The following WNT16 variants were observed in gnomAD, a reference collection of about 807,000 sequenced individuals.
The protein encoded by WNT16 is Wnt family member 16.
Under a neutral mutation model 35.4 loss-of-function variants are expected in WNT16, and 20 were observed. The ratio of observed to expected loss-of-function variants is 0.56; its 90% CI spans 0.40 to 0.82. The LOEUF (loss-of-function observed/expected upper bound fraction) is 0.82. Ranked by LOEUF, WNT16 falls within the 40% of genes least tolerant of loss-of-function variation. WNT16 has a pLI of 0.00. For synonymous variants in WNT16, 180 were observed against 179.2 expected (o/e 1.00, Z -0.03); for missense variants, 461 against 466.0 (o/e 0.99, Z 0.10).
intron 3 of WNT16, among the ~76,000 whole-genome samples, chr7:121,334,807 T>A (rs1215775903): frequency 2.0e-5 from 3 of 152,110 alleles, no homozygotes; most frequent in Non-Finnish European, 2.9e-5. Flanking sequence ...CTGGGAATAA[T>A]GTGACTTGGA....
At chr7:121,332,217 C>T (rs1006314370) in intron 3 of WNT16, among the ~76,000 whole-genome samples, 1 of 145,898 alleles carries the variant, frequency 6.9e-6, no homozygotes, top group Non-Finnish European at 1.5e-5. Flanking sequence ...GAATAGGAGG[C>T]TTTGATTAGA....
At position 121,329,627 on chromosome 7, in the gene WNT16, G is replaced by T; in HGVS notation, c.156G>T (p.Leu52=). ...AGCTGGGCTGCGCCAATTTGCCGCTGAACAGCCGCCAGAAGGAGCTGTGCA... is the reference window on the plus strand; with the variant it reads ...AGCTGGGCTGCGCCAATTTGCCGCTTAACAGCCGCCAGAAGGAGCTGTGCA... ...PEKLGCANLP[L]NSRQKELCKR... The change falls in exon 2 of 4, where the codon CTG becomes CTT. Residue 52 remains leucine, a synonymous_variant. Transcript: ENST00000222462. 1 of 1,614,226 alleles carries T rather than the reference G, an allele frequency of 6.2e-7. No individual in the cohort carries two copies. Among genetic ancestry groups the T allele is most frequent in the South Asian group, 1.1e-5 (1 of 91,072 alleles).
At chr7:121,335,920 A>C (rs1793438413) in intron 3 of WNT16, among the ~76,000 whole-genome samples, 1 of 151,806 alleles carries the variant, frequency 6.6e-6, no homozygotes, top group Admixed American at 6.6e-5. Context: ...TCTAAAACTA[A>C]ATCAGGTAAA....
upstream of WNT16, among the ~76,000 whole-genome samples, chr7:121,328,643 T>C (rs1003328846): frequency 6.6e-6 from 1 of 152,186 alleles, no homozygotes; most frequent in African/African-American, 2.4e-5. Flanking sequence ...TTCCAGCCAC[T>C]ACACCCAGAG....
chr7:121,339,436 G>C lies in WNT16; in HGVS notation c.*91G>C. 8.2e-7 allele frequency: 1 copy of C among 1,216,036 alleles called. No individual in the cohort carries two copies. The highest frequency in any genetic ancestry group is 1.1e-6 in the Non-Finnish European group (1 of 878,312). 75.3% of individuals were successfully genotyped at this position (1,216,036 alleles called of 1,614,324 possible). A position where few individuals can be genotyped will look rare whatever the true frequency, so the allele number is the denominator to read the frequency against. On this transcript the variant is annotated 3_prime_UTR_variant, in exon 4 of 4. Transcript: ENST00000222462. ...CCCATCCCTGTGCAGCGCTAGTAAA[G>C]TTGACTCTTGCAGTGGAATCCCTAG...
At chr7:121,330,440 A>G (rs1793324162) in intron 2 of WNT16, among the ~76,000 whole-genome samples, 1 of 152,258 alleles carries the variant, frequency 6.6e-6, no homozygotes. Context: ...GGGAAGCTGC[A>G]GGAAAACAAA....
upstream of WNT16, chr7:121,325,470 A>C: frequency 6.2e-7 from 1 of 1,613,088 alleles, no homozygotes; most frequent in Non-Finnish European, 8.5e-7. Flanking sequence ...TTCTCAAAAG[A>C]CCTCCCTATG....
chr7:121,331,799 C>G lies in WNT16; in HGVS notation c.468C>G (p.Gly156=), dbSNP rs141457388. Residue 156 remains glycine (G), a synonymous_variant, in exon 3 of 4, where the codon GGC becomes GGG. Coordinates refer to ENST00000222462, the MANE Select transcript of WNT16 (RefSeq NM_057168.2). ...ECSCDTTLQN[G]GSASEGWHWG... is the part of the protein sequence containing the mutation. The stretch of plus-strand genomic sequence containing the variant: ...CCTGTGACACCACCTTGCAGAACGG[C>G]GGCTCAGCAAGTGAAGGCTGGCACT... The G allele has an allele frequency of 1.9e-6, 3 of 1,614,074 alleles. No individual in the cohort carries two copies. In the African/African-American group the frequency reaches 4.0e-5, roughly 22 times the overall value.
At chr7:121,327,137 C>T (rs555177957), upstream of WNT16, among the ~76,000 whole-genome samples, 1 of 152,312 alleles carries the variant, frequency 6.6e-6, no homozygotes, top group East Asian at 1.9e-4. Context: ...AGGCCACTAG[C>T]CGTTAGCCAA....
upstream of WNT16, among the ~76,000 whole-genome samples, chr7:121,326,414 T>C (rs1331128892): frequency 6.6e-6 from 1 of 152,210 alleles, no homozygotes; most frequent in African/African-American, 2.4e-5. Context: ...ACAAAAGAGA[T>C]GCAAGACCAC....
chr7:121,327,583 C>A (rs953562391), upstream of WNT16, among the ~76,000 whole-genome samples: 1 of 152,068 alleles, frequency 6.6e-6, no homozygotes, highest in Non-Finnish European at 1.5e-5. Context: ...CTCCTGACCT[C>A]TGGTGATCCG....
chr7:121,333,723 A>G (rs1378402685), intron 3 of WNT16, among the ~76,000 whole-genome samples: 2 of 152,026 alleles, frequency 1.3e-5, no homozygotes, highest in Non-Finnish European at 2.9e-5. Flanking sequence ...TATTTTTAAA[A>G]CAAGAAAACA....
rs1362124349 is a variant in WNT16 at position 121,339,694 on chromosome 7, T to A, written c.*349T>A. The A allele has an allele frequency of 7.2e-6, 3 of 417,886 alleles. No individual in the cohort carries two copies. The highest frequency in any genetic ancestry group is 8.5e-6 in the Non-Finnish European group (2 of 235,660). 25.9% of individuals were successfully genotyped at this position (417,886 alleles called of 1,614,324 possible). On this transcript the variant is annotated 3_prime_UTR_variant, in exon 4 of 4. Coordinates refer to ENST00000222462, the MANE Select transcript of WNT16 (RefSeq NM_057168.2). ...CCTGCCATACTCAGGATAAGATCCT[T>A]GAATATGGAACTTAGTTACAGGACT...
At chr7:121,336,817 C>T (rs1310099594) in intron 3 of WNT16, among the ~76,000 whole-genome samples, 3 of 152,058 alleles carry the variant, frequency 2.0e-5, no homozygotes, top group African/African-American at 7.2e-5. Context: ...TCTGAAGTGA[C>T]TAATAAAAGA....
chr7:121,333,488 A>G (rs987897107), intron 3 of WNT16, among the ~76,000 whole-genome samples: 7 of 151,974 alleles, frequency 4.6e-5, no homozygotes, highest in Non-Finnish European at 8.8e-5. Flanking sequence ...AAGTTATTTT[A>G]TTTCACTAGA....
intron 3 of WNT16, among the ~76,000 whole-genome samples, chr7:121,332,465 T>A (rs961451032): frequency 6.6e-6 from 1 of 152,184 alleles, no homozygotes; most frequent in Admixed American, 6.5e-5. Flanking sequence ...TTCTACCCGC[T>A]TAGTCGTGGA....
At position 121,329,246 on chromosome 7, in the gene WNT16, G is replaced by A; in HGVS notation, c.-47G>A. On this transcript the variant is annotated 5_prime_UTR_variant, in exon 1 of 4. Transcript: ENST00000222462. The stretch of plus-strand genomic sequence containing the variant: ...GCGGCCCGAAGGGCCTCTGGGGAGG[G>A]GGTGCAAAAGAGGAGCGGCTGGGCT... The A allele has an allele frequency of 2.8e-5, 42 of 1,496,046 alleles. No individual in the cohort carries two copies. Among genetic ancestry groups the A allele is most frequent in the Non-Finnish European group, 3.5e-5 (39 of 1,121,772 alleles). 92.7% of individuals were successfully genotyped at this position (1,496,046 alleles called of 1,614,324 possible). A position where few individuals can be genotyped will look rare whatever the true frequency, so the allele number is the denominator to read the frequency against.
chr7:121,336,507 C>G (rs1041356706), intron 3 of WNT16, among the ~76,000 whole-genome samples: 17 of 152,144 alleles, frequency 1.1e-4, no homozygotes, highest in Non-Finnish European at 1.8e-4. Flanking sequence ...GAAAATCAGT[C>G]TCTCTTTTTA....
Position 121,331,735 on chromosome 7 carries a change from T to C in WNT16, c.404T>C (p.Val135Ala). Residue 135 changes from valine to alanine, a missense_variant, in exon 3 of 4, where the codon GTG becomes GCG. By Grantham distance (64) the Val-to-Ala change is moderately conservative. Coordinates refer to ENST00000222462, the MANE Select transcript of WNT16 (RefSeq NM_057168.2). Reference sequence around the variant, plus strand: ...ATGGCTGCAGGCCTGGTGCATTCTGTGACCAGGTCATGCAGTGCAGGCAAC... The same window carrying C: ...ATGGCTGCAGGCCTGGTGCATTCTGCGACCAGGTCATGCAGTGCAGGCAAC... ...AVMAAGLVHS[V>A]TRSCSAGNMT... 1 of 1,614,196 alleles carries C rather than the reference T, an allele frequency of 6.2e-7. No homozygotes were observed. The highest frequency in any genetic ancestry group is 1.6e-4 in the Middle Eastern group (1 of 6,062).
Sources: allele counts gnomAD v4.1 joint callset (sites outside exome capture counted in the v4.1 genomes callset), GRCh38; gene constraint gnomAD v4.1.1; transcripts MANE v1.5; gene names NCBI Gene and HGNC (gene_info 2026-07-23, HGNC 2026-07-21).